The following CRB1 variants were observed in gnomAD, a reference collection of about 807,000 sequenced individuals.
CRB1 encodes protein crumbs homolog 1.
CRB1 carries 83 observed loss-of-function variants against 120.0 expected under a neutral mutation model. The ratio of observed to expected loss-of-function variants is 0.69; its 90% confidence interval spans 0.58 to 0.83. The LOEUF (loss-of-function observed/expected upper bound fraction) is 0.83, where lower values mean the gene tolerates loss of function less well. Among genes scored for constraint, CRB1 ranks in the 40% least tolerant of loss-of-function variants. The probability of loss-of-function intolerance (pLI) is 0.00; values close to 1 mark genes in which losing one functional copy is unlikely to be tolerated. For missense variants in CRB1, 1,699 were observed against 1,687.6 expected (o/e 1.01, Z -0.12); for synonymous variants, 625 against 612.5 (o/e 1.02, Z -0.30).
intron 5 of CRB1, among the ~76,000 whole-genome samples, chr1:197,407,300 A>G (rs1663462381): frequency 6.6e-6 from 1 of 152,206 alleles, no homozygotes; most frequent in African/African-American, 2.4e-5. Context: ...TATGTTAGAG[A>G]TTTCGGGTTT....
chr1:197,411,538 G>A (rs1376486557), intron 5 of CRB1, among the ~76,000 whole-genome samples: 1 of 152,116 alleles, frequency 6.6e-6, no homozygotes. Context: ...ATAGAAAACT[G>A]TCTTCTTTAG....
chr1:197,457,258 C>T (rs1021623897), intron 11 of CRB1, among the ~76,000 whole-genome samples: 4 of 152,038 alleles, frequency 2.6e-5, no homozygotes, highest in Non-Finnish European at 4.4e-5. Context: ...CGTGTGCTTA[C>T]TCTGAGCCCG....
chr1:197,374,022 G>T (rs909919236), intron 5 of CRB1, among the ~76,000 whole-genome samples: 2 of 152,208 alleles, frequency 1.3e-5, no homozygotes, highest in Non-Finnish European at 2.9e-5. Context: ...AATGCTCCTT[G>T]TAATGTGGCC....
At chr1:197,219,540 A>C in the CRB1 span, among the ~76,000 whole-genome samples, 1 of 152,246 alleles carries the variant, frequency 6.6e-6, no homozygotes, top group African/African-American at 2.4e-5. Flanking sequence ...TAATATAATG[A>C]CTATTGTTCT....
intron 6 of CRB1, among the ~76,000 whole-genome samples, chr1:197,423,756 A>G (rs891140541): frequency 1.2e-4 from 18 of 152,178 alleles, no homozygotes; most frequent in Non-Finnish European, 2.2e-4. Context: ...CAACCATGGT[A>G]TACATTTTAA....
intron 1 of CRB1, among the ~76,000 whole-genome samples, chr1:197,269,421 C>T (rs1571737811): frequency 6.6e-6 from 1 of 152,250 alleles, no homozygotes; most frequent in East Asian, 1.9e-4. Flanking sequence ...TAAGTAAATG[C>T]TGTGGGTAGG....
the CRB1 span, among the ~76,000 whole-genome samples, chr1:197,205,793 C>T: frequency 6.6e-6 from 1 of 151,568 alleles, no homozygotes; most frequent in Non-Finnish European, 1.5e-5. Flanking sequence ...CCCTCTTTCT[C>T]TGTCTTGTGG....
intron 5 of CRB1, among the ~76,000 whole-genome samples, chr1:197,406,383 T>G (rs1033228502): frequency 2.0e-5 from 3 of 152,096 alleles, no homozygotes; most frequent in African/African-American, 7.2e-5. Flanking sequence ...GGCAGCATGC[T>G]CGTTAAGAGT....
At chr1:197,323,282 A>G (rs1005918531) in intron 1 of CRB1, among the ~76,000 whole-genome samples, 5 of 152,156 alleles carry the variant, frequency 3.3e-5, no homozygotes, top group African/African-American at 1.2e-4. Flanking sequence ...AAACTTTTGG[A>G]TCTTCTTTTA....
At chr1:197,425,089 C>T (rs556584621) in intron 6 of CRB1, among the ~76,000 whole-genome samples, 2 of 152,342 alleles carry the variant, frequency 1.3e-5, no homozygotes, top group East Asian at 3.9e-4. Flanking sequence ...GGATGACCAG[C>T]AGGCACCCCG....
chr1:197,307,336 G>C (rs1298302905), intron 1 of CRB1, among the ~76,000 whole-genome samples: 2 of 152,134 alleles, frequency 1.3e-5, no homozygotes, highest in African/African-American at 4.8e-5. Flanking sequence ...TTTACAGCTT[G>C]TTTGGACAGG....
At chr1:197,416,688 CTTTTTTA>C (rs560188603) in intron 5 of CRB1, among the ~76,000 whole-genome samples, 3 of 152,084 alleles carry the variant, frequency 2.0e-5, no homozygotes, top group African/African-American at 4.8e-5. Context: ...AAGGTTTATA[CTTTTTTA>C]TTTTTTATTT....
At chr1:197,365,344 C>G (rs1278888777) in intron 5 of CRB1, among the ~76,000 whole-genome samples, 1 of 152,148 alleles carries the variant, frequency 6.6e-6, no homozygotes, top group Non-Finnish European at 1.5e-5. Context: ...CCTGTTGTGG[C>G]ATAATCCCCT....
At chr1:197,351,921 A>G (rs766546217) in intron 4 of CRB1, among the ~76,000 whole-genome samples, 1 of 152,200 alleles carries the variant, frequency 6.6e-6, no homozygotes, top group Non-Finnish European at 1.5e-5. Flanking sequence ...AGTTAACACT[A>G]CAAACTACTC....
In CRB1 at chr1:197,268,399, C is replaced by T. The variant is rs749581287; in HGVS notation, c.-14C>T. Reference sequence around the variant, plus strand: ...CACCAGCAACACACCAGAGGATGTTCTCTAAATAAGACCATGGCACTTAAG... The same window carrying T: ...CACCAGCAACACACCAGAGGATGTTTTCTAAATAAGACCATGGCACTTAAG... On this transcript the variant is annotated 5_prime_UTR_variant, in exon 1 of 12. Coordinates refer to ENST00000367400, the MANE Select transcript of CRB1 (RefSeq NM_201253.3). 6 of 1,595,530 alleles carry T rather than the reference C, an allele frequency of 3.8e-6. No homozygotes were observed. The highest frequency in any genetic ancestry group is 5.2e-6 in the Non-Finnish European group (6 of 1,163,406).
At chr1:197,413,642 G>T (rs1246380646) in intron 5 of CRB1, among the ~76,000 whole-genome samples, 1 of 152,158 alleles carries the variant, frequency 6.6e-6, no homozygotes, top group African/African-American at 2.4e-5. Flanking sequence ...TACTGTCAGC[G>T]TTCAGTGTTG....
chr1:197,238,738 GGAGGCT>G, the CRB1 span, among the ~76,000 whole-genome samples: 1 of 152,070 alleles, frequency 6.6e-6, no homozygotes, highest in Non-Finnish European at 1.5e-5. Flanking sequence ...CAGCTACTTG[GGAGGCT>G]GAGGCAGGAG....
the CRB1 span, among the ~76,000 whole-genome samples, chr1:197,226,940 A>T: frequency 6.6e-6 from 1 of 152,200 alleles, no homozygotes; most frequent in Admixed American, 6.5e-5. Flanking sequence ...CTACCATAAG[A>T]ACAGTATGGG....
At chr1:197,355,609 C>T (rs1446996849) in intron 4 of CRB1, among the ~76,000 whole-genome samples, 2 of 152,214 alleles carry the variant, frequency 1.3e-5, no homozygotes, top group Non-Finnish European at 2.9e-5. Context: ...GCTGGGGGCT[C>T]CTGCGTACCC....
Sources: allele counts gnomAD v4.1 joint callset (sites outside exome capture counted in the v4.1 genomes callset), GRCh38; gene constraint gnomAD v4.1.1; transcripts MANE v1.5; gene names NCBI Gene and HGNC (gene_info 2026-07-23, HGNC 2026-07-21).